The following RAB18 variants were observed in gnomAD, a reference collection of about 807,000 sequenced individuals.
RAB18 encodes ras-related protein Rab-18.
A neutral mutation model predicts 28.5 loss-of-function variants in RAB18; 10 were observed. That is an observed-to-expected ratio of 0.35 (90% CI 0.22 to 0.60). RAB18 has a LOEUF of 0.60. Among genes scored for constraint, RAB18 ranks in the 20% least tolerant of loss-of-function variants. RAB18 has a pLI of 0.78. For missense variants in RAB18, 188 were observed against 244.2 expected (o/e 0.77, Z 1.53); for synonymous variants, 93 against 86.9 (o/e 1.07, Z -0.39).
intron 3 of RAB18, among the ~76,000 whole-genome samples, chr10:27,528,009 T>A (rs1834713270): frequency 6.6e-6 from 1 of 152,034 alleles, no homozygotes; most frequent in South Asian, 2.1e-4. Flanking sequence ...ATTTGGAAAA[T>A]GTTGGACTAG....
At chr10:27,512,454 C>T (rs1834343608) in intron 2 of RAB18, among the ~76,000 whole-genome samples, 1 of 151,938 alleles carries the variant, frequency 6.6e-6, no homozygotes, top group South Asian at 2.1e-4. Context: ...TACAGGCATG[C>T]ACCACCACAC....
In RAB18 at chr10:27,526,901, T is replaced by C; in HGVS notation, c.186+12T>C. ...AACTTGCAATATGGGTAAGAGTTTT[T>C]AAAATGTATTTTTAAAATATTAAAC... On this transcript the variant is annotated intron_variant, in intron 3 of 6. Transcript: ENST00000356940. 1 of 1,607,598 alleles carries C rather than the reference T, an allele frequency of 6.2e-7. No homozygotes were observed. Among genetic ancestry groups the C allele is most frequent in the South Asian group, 1.1e-5 (1 of 90,680 alleles).
Position 27,519,174 on chromosome 10 carries a change from C to T in RAB18, c.125-7654C>T, listed in dbSNP as rs1020525045. Among the ~76,000 whole-genome samples, 5 of 151,752 alleles carry T rather than the reference C, an allele frequency of 3.3e-5. No individual in the cohort carries two copies. The East Asian group carries it at 7.7e-4, about 23-fold the overall frequency. On this transcript the variant is annotated intron_variant, in intron 2 of 6. Coordinates refer to ENST00000356940, the MANE Select transcript of RAB18 (RefSeq NM_021252.5). ...AAAAAAAAAATCAATGCATACTTCACTACTTTAAACTAAAAAAGAAATATC... is the reference window on the plus strand; with the variant it reads ...AAAAAAAAAATCAATGCATACTTCATTACTTTAAACTAAAAAAGAAATATC...
Position 27,538,791 on chromosome 10 carries a change from C to T in RAB18, c.*740C>T, listed in dbSNP as rs1221255382. Reference sequence around the variant, plus strand: ...GCAGAATGACAATAAGGTTTTCCCCCATTTTGGTTTCAGGAGGACATGAAT... The same window carrying T: ...GCAGAATGACAATAAGGTTTTCCCCTATTTTGGTTTCAGGAGGACATGAAT... On this transcript the variant is annotated 3_prime_UTR_variant, in exon 7 of 7. Coordinates refer to ENST00000356940, the MANE Select transcript of RAB18 (RefSeq NM_021252.5). 1 of 453,894 alleles carries T rather than the reference C, an allele frequency of 2.2e-6. No individual in the cohort carries two copies. The highest frequency in any genetic ancestry group is 2.0e-5 in the African/African-American group (1 of 49,994). 28.1% of individuals were successfully genotyped at this position (453,894 alleles called of 1,614,324 possible). A position where few individuals can be genotyped will look rare whatever the true frequency, so the allele number is the denominator to read the frequency against.
rs1834986105 is a variant in RAB18 at position 27,539,866 on chromosome 10, ACT to A, written c.*1819_*1820del. ...TAGGAAGTATATACATTTCCCTATTACTCTCATCAGCTGAAGAATATGTACTA... is the reference window on the plus strand; with the variant it reads ...TAGGAAGTATATACATTTCCCTATTACTCATCAGCTGAAGAATATGTACTA... On this transcript the variant is annotated 3_prime_UTR_variant, in exon 7 of 7. Transcript: ENST00000356940. 2 of 453,592 alleles carry A rather than the reference ACT, an allele frequency of 4.4e-6. No individual in the cohort carries two copies. Among genetic ancestry groups the A allele is most frequent in the Admixed American group, 4.7e-5 (2 of 42,520 alleles). The allele number at this position is 453,592 out of a possible 1,614,324, so 28.1% of individuals were successfully genotyped here.
In RAB18 at chr10:27,504,337, G is replaced by T; in HGVS notation, c.-33G>T. 6.4e-7 allele frequency: 1 copy of T among 1,561,374 alleles called. No homozygotes were observed. Among genetic ancestry groups the T allele is most frequent in the Non-Finnish European group, 8.7e-7 (1 of 1,153,348 alleles). On this transcript the variant is annotated 5_prime_UTR_variant, in exon 1 of 7. Transcript: ENST00000356940. The stretch of plus-strand genomic sequence containing the variant: ...GAAGGGCTGAGAGGCGCACCCGGGC[G>T]GCCAGCTGGGCTCGGAGCGGAACGG...
chr10:27,504,956 C>A (rs1269039156), intron 1 of RAB18: 1 of 532,908 alleles, frequency 1.9e-6, no homozygotes, highest in African/African-American at 1.9e-5. Context: ...AGCTTAATGT[C>A]GATTCTTTTA....
At chr10:27,531,962 A>G (rs1049681862) in intron 3 of RAB18, among the ~76,000 whole-genome samples, 7 of 152,150 alleles carry the variant, frequency 4.6e-5, no homozygotes, top group African/African-American at 1.2e-4. Flanking sequence ...AACATGTAAT[A>G]AAGAATGGCT....
At position 27,539,772 on chromosome 10, in the gene RAB18, T is replaced by C. The variant is rs151138460; in HGVS notation, c.*1721T>C. The C allele has an allele frequency of 2.2e-6, 1 of 449,764 alleles. No homozygotes were observed. Among genetic ancestry groups the C allele is most frequent in the East Asian group, 6.9e-5 (1 of 14,390 alleles). The allele number at this position is 449,764 out of a possible 1,614,324, so 27.9% of individuals were successfully genotyped here. On this transcript the variant is annotated 3_prime_UTR_variant, in exon 7 of 7. Coordinates refer to ENST00000356940, the MANE Select transcript of RAB18 (RefSeq NM_021252.5). Reference sequence around the variant, plus strand: ...TATAACAAAAATGAATTTTGTTTGATAGATTTATATTGTAACCTTTTTCTA... The same window carrying C: ...TATAACAAAAATGAATTTTGTTTGACAGATTTATATTGTAACCTTTTTCTA...
rs775712767 is a variant in RAB18 at position 27,542,239 on chromosome 10, A to G, written c.*4188A>G. On this transcript the variant is annotated 3_prime_UTR_variant, in exon 7 of 7. Coordinates refer to ENST00000356940, the MANE Select transcript of RAB18 (RefSeq NM_021252.5). ...ATAAATTCCTTTTTTGTTGAAGGCA[A>G]TTTGACTTGGATTTTCTTTTTTCTT... The G allele has an allele frequency of 5.3e-5, 24 of 453,928 alleles. No homozygotes were observed. The highest frequency in any genetic ancestry group is 5.7e-5 in the Non-Finnish European group (13 of 226,774). The allele number at this position is 453,928 out of a possible 1,614,324, so 28.1% of individuals were successfully genotyped here.
chr10:27,526,687 C>T lies in RAB18; in HGVS notation c.125-141C>T, dbSNP rs998086757. 5.2e-6 allele frequency: 5 copies of T among 965,970 alleles called. No individual in the cohort carries two copies. The Admixed American group carries it at 9.0e-5, about 17-fold the overall frequency. 59.8% of individuals were successfully genotyped at this position (965,970 alleles called of 1,614,324 possible). A position where few individuals can be genotyped will look rare whatever the true frequency, so the allele number is the denominator to read the frequency against. ...CCTGGATTTTAATGACACTTTTTAT[C>T]TCCACATCCAGAATTCTAAGAAGTT... On this transcript the variant is annotated intron_variant, in intron 2 of 6. Transcript: ENST00000356940.
At chr10:27,505,741 G>C (rs1255390100) in intron 1 of RAB18, among the ~76,000 whole-genome samples, 1 of 152,042 alleles carries the variant, frequency 6.6e-6, no homozygotes, top group Non-Finnish European at 1.5e-5. Flanking sequence ...TGTACTGTTA[G>C]TAGAGATGGG....
At chr10:27,530,099 G>T (rs1191613270) in intron 3 of RAB18, among the ~76,000 whole-genome samples, 2 of 151,958 alleles carry the variant, frequency 1.3e-5, no homozygotes, top group Admixed American at 1.3e-4. Context: ...TCTCAATGAA[G>T]ACCAGAGAGA....
At chr10:27,532,323 TATAA>T (rs1834803956) in intron 3 of RAB18, among the ~76,000 whole-genome samples, 180 bp from the exon 4 acceptor site, 1 of 137,378 alleles carries the variant, frequency 7.3e-6, no homozygotes, top group Non-Finnish European at 1.7e-5. Flanking sequence ...GATCAGTATT[TATAA>T]ATAATTTTAT....
chr10:27,505,236 A>G lies in RAB18; in HGVS notation c.68+799A>G, dbSNP rs770316910. The G allele has an allele frequency of 4.2e-5, 20 of 479,132 alleles. No individual in the cohort carries two copies. In the Admixed American group the frequency reaches 4.5e-4, roughly 11 times the overall value. The allele number at this position is 479,132 out of a possible 1,614,324, so 29.7% of individuals were successfully genotyped here. On this transcript the variant is annotated intron_variant, in intron 1 of 6. Coordinates refer to ENST00000356940, the MANE Select transcript of RAB18 (RefSeq NM_021252.5). ...GATGTTGCTAGAGGGCTGTGATTTC[A>G]TCCAGGTCTTGGAAGAGAGTTCTCC...
At chr10:27,514,924 G>T (rs1011511947) in intron 2 of RAB18, among the ~76,000 whole-genome samples, 5 of 151,952 alleles carry the variant, frequency 3.3e-5, no homozygotes, top group African/African-American at 1.2e-4. Flanking sequence ...CACCATGCCC[G>T]GGTGATCTTT....
intron 1 of RAB18, among the ~76,000 whole-genome samples, chr10:27,505,640 A>G (rs535009189): frequency 4.7e-4 from 71 of 152,076 alleles, no homozygotes; most frequent in African/African-American, 1.6e-3. Flanking sequence ...GGTCACTGCA[A>G]CCTCCGCCTC....
chr10:27,534,285 C>T (rs1834849502), intron 6 of RAB18, among the ~76,000 whole-genome samples: 1 of 152,226 alleles, frequency 6.6e-6, no homozygotes, highest in East Asian at 1.9e-4. Context: ...CTTGCTGGTC[C>T]ATATGCTGAT....
chr10:27,522,073 A>G (rs955790410), intron 2 of RAB18, among the ~76,000 whole-genome samples: 9 of 151,892 alleles, frequency 5.9e-5, no homozygotes, highest in African/African-American at 1.7e-4. Context: ...TTTGTGGGGA[A>G]AAAAAAGACG....
Sources: gnomAD v4.1 joint callset for allele counts (sites outside exome capture counted in the v4.1 genomes callset) on GRCh38, gnomAD v4.1.1 for gene constraint, MANE v1.5 for transcripts, NCBI Gene and HGNC (gene_info 2026-07-23, HGNC 2026-07-21) for gene names.